The following NXN variants were observed in gnomAD, a reference collection of about 807,000 sequenced individuals.
The protein encoded by NXN is nucleoredoxin 1.
NXN carries 16 observed loss-of-function variants against 48.6 expected under a neutral mutation model. That is an observed-to-expected ratio of 0.33 (90% CI 0.22 to 0.50). The LOEUF (loss-of-function observed/expected upper bound fraction) is 0.50. Ranked by LOEUF, NXN falls within the 20% of genes least tolerant of loss-of-function variation. NXN has a pLI of 0.98. For missense variants in NXN, 492 were observed against 605.5 expected, an observed-to-expected ratio of 0.81 and a Z score of 1.97; for synonymous variants, 281 against 269.6, an observed-to-expected ratio of 1.04 and a Z score of -0.41.
intron 6 of NXN, among the ~76,000 whole-genome samples, chr17:804,274 C>CTTTTTTT (rs11325268): frequency 1.1e-5 from 1 of 88,932 alleles, no homozygotes; most frequent in Non-Finnish European, 2.1e-5. Context: ...TGGTCAGCGG[C>CTTTTTTT]TTTTTTTTTT....
chr17:940,360 C>A (rs776755832), intron 1 of NXN, among the ~76,000 whole-genome samples: 1 of 152,074 alleles, frequency 6.6e-6, no homozygotes. Flanking sequence ...TCCTTAAGCG[C>A]TGGGATTACA....
In NXN at chr17:958,956, T is replaced by TAC. The variant is rs147778678; in HGVS notation, c.360+20361_360+20362dup. 5,231 of 165,228 alleles carry TAC rather than the reference T, an allele frequency of 0.032. 302 individuals are homozygous for TAC. The highest frequency in any genetic ancestry group is 0.27 in the East Asian group (1,639 of 6,026). 10.2% of individuals were successfully genotyped at this position (165,228 alleles called of 1,614,324 possible). ...TAAAAAAGAAACACACACACACACA[T>TAC]ACACACACACACACACGATACGAGT... On this transcript the variant is annotated intron_variant, in intron 1 of 7. Coordinates refer to ENST00000336868, the MANE Select transcript of NXN (RefSeq NM_022463.5). The surrounding 1 kb of genome is among the most constrained non-coding windows in gnomAD (Gnocchi z 6.9).
intron 1 of NXN, among the ~76,000 whole-genome samples, chr17:965,703 T>C (rs1045090349): frequency 6.6e-6 from 1 of 152,062 alleles, no homozygotes. Context: ...CAACTGCTTG[T>C]ATAAACAACA....
chr17:954,595 AG>A (rs1370594103), intron 1 of NXN, among the ~76,000 whole-genome samples: 2 of 152,202 alleles, frequency 1.3e-5, no homozygotes, highest in African/African-American at 4.8e-5. Flanking sequence ...TCAGAGCAAC[AG>A]GGCTGATTCC....
rs1277969761 is a variant in NXN at position 952,181 on chromosome 17, G to T, written c.360+27138C>A. On this transcript the variant is annotated intron_variant, in intron 1 of 7. Coordinates refer to ENST00000336868, the MANE Select transcript of NXN (RefSeq NM_022463.5). ...AAAATTCAGGTCACACTGTGGGGGG[G>T]CTGGGGTCAGAGAGACCAAGGTTGG... Among the ~76,000 whole-genome samples the T allele has an allele frequency of 3.1e-5, 4 of 127,106 alleles. No homozygotes were observed. The East Asian group carries it at 8.6e-4, about 27-fold the overall frequency. 83.4% of individuals were successfully genotyped at this position (127,106 alleles called of 152,430 possible). A position where few individuals can be genotyped will look rare whatever the true frequency, so the allele number is the denominator to read the frequency against.
chr17:841,337 C>T (rs573681322), intron 1 of NXN, among the ~76,000 whole-genome samples: 6 of 152,338 alleles, frequency 3.9e-5, no homozygotes, highest in South Asian at 2.1e-4. Flanking sequence ...ATCCTGGTGC[C>T]GCCAACCCTG....
rs539296195 is a variant in NXN at position 932,936 on chromosome 17, C to A, written c.360+46383G>T. Among the ~76,000 whole-genome samples the A allele has an allele frequency of 1.9e-4, 27 of 140,546 alleles. No homozygotes were observed. The highest frequency in any genetic ancestry group is 2.6e-4 in the Non-Finnish European group (16 of 61,194). 92.2% of individuals were successfully genotyped at this position (140,546 alleles called of 152,430 possible). ...GTACTGGGATTCCAGGCGTGAGCCA[C>A]CGCGCCCAGCCCAGCCCGTCCTCTT... is the stretch of plus-strand genomic sequence containing the variant. On this transcript the variant is annotated intron_variant, in intron 1 of 7. Coordinates refer to ENST00000336868, the MANE Select transcript of NXN (RefSeq NM_022463.5). The surrounding 1 kb of genome is among the most constrained non-coding windows in gnomAD (Gnocchi z 4.1).
chr17:965,820 G>C (rs1012760125), intron 1 of NXN, among the ~76,000 whole-genome samples: 35 of 151,730 alleles, frequency 2.3e-4, no homozygotes, highest in African/African-American at 8.5e-4. Flanking sequence ...GCAGGAGAAT[G>C]GTGTGACTTC....
chr17:919,192 G>A lies in NXN; in HGVS notation c.360+60127C>T, dbSNP rs868811617. Among the ~76,000 whole-genome samples the A allele has an allele frequency of 9.9e-5, 15 of 151,968 alleles. No homozygotes were observed. The highest frequency in any genetic ancestry group is 2.0e-4 in the Admixed American group (3 of 15,246). On this transcript the variant is annotated intron_variant, in intron 1 of 7. Transcript: ENST00000336868. The surrounding 1 kb of genome is among the most constrained non-coding windows in gnomAD (Gnocchi z 5.1). ...ATCCTGGCTAACATGGTGAAAGCCCGTCTCTACTACAAATACAAAAATCAG... is the reference window on the plus strand; with the variant it reads ...ATCCTGGCTAACATGGTGAAAGCCCATCTCTACTACAAATACAAAAATCAG...
chr17:959,353 G>A (rs960372849), intron 1 of NXN: 16 of 234,632 alleles, frequency 6.8e-5, no homozygotes, highest in South Asian at 1.4e-4. Flanking sequence ...CTGGGAGTAC[G>A]TGGAGTCGCG....
chr17:809,649 G>A (rs1427230801), intron 5 of NXN, among the ~76,000 whole-genome samples: 1 of 152,232 alleles, frequency 6.6e-6, no homozygotes, highest in East Asian at 1.9e-4. Context: ...GGAAGGAAAA[G>A]CAGGTTCTAG....
chr17:861,424 G>A (rs367870091), intron 1 of NXN, among the ~76,000 whole-genome samples: 15 of 152,192 alleles, frequency 9.9e-5, no homozygotes, highest in African/African-American at 2.9e-4. Flanking sequence ...GTGAGCCGCC[G>A]CGCCTGACCA....
intron 1 of NXN, among the ~76,000 whole-genome samples, chr17:926,534 G>GTTT (rs60470915): frequency 7.1e-5 from 10 of 141,554 alleles, no homozygotes; most frequent in African/African-American, 2.7e-4. Flanking sequence ...CATGTTTTTT[G>GTTT]TTTTTTTTTT....
intron 1 of NXN, among the ~76,000 whole-genome samples, chr17:865,190 G>C (rs745704225): frequency 5.9e-5 from 9 of 152,152 alleles, no homozygotes; most frequent in Middle Eastern, 3.4e-3. Flanking sequence ...AGGTAGCAAT[G>C]TTTTCTGGGC....
intron 1 of NXN, among the ~76,000 whole-genome samples, chr17:972,238 G>A (rs1281655663): frequency 6.6e-6 from 1 of 152,012 alleles, no homozygotes. Flanking sequence ...GAAGGCAGAG[G>A]TCACGGTGAG....
At chr17:836,344 T>C (rs933692232) in intron 1 of NXN, among the ~76,000 whole-genome samples, 8 of 152,168 alleles carry the variant, frequency 5.3e-5, no homozygotes, top group Non-Finnish European at 1.2e-4. Flanking sequence ...GTAGGATTCA[T>C]CCGCAAACTC....
intron 1 of NXN, chr17:842,519 A>G (rs1002481156): frequency 1.0e-5 from 10 of 985,198 alleles, no homozygotes; most frequent in African/African-American, 1.7e-5. Flanking sequence ...CTCACATGCA[A>G]CCCACCTTCG....
At chr17:823,174 A>G (rs578022049) in intron 3 of NXN, among the ~76,000 whole-genome samples, 5 of 151,602 alleles carry the variant, frequency 3.3e-5, no homozygotes, top group Middle Eastern at 3.4e-3. Context: ...CGAGGCGGGC[A>G]GATCACCTGA....
chr17:904,250 G>T (rs529377735), intron 1 of NXN, among the ~76,000 whole-genome samples: 11 of 151,994 alleles, frequency 7.2e-5, no homozygotes, highest in Non-Finnish European at 1.6e-4. Flanking sequence ...GGTTGTAAGC[G>T]GGCCTTGCTG....
Sources: gnomAD v4.1 joint callset for allele counts (sites outside exome capture counted in the v4.1 genomes callset) on GRCh38, gnomAD v4.1.1 for gene constraint, Gnocchi (gnomAD v3.1) non-coding constraint, MANE v1.5 for transcripts, NCBI Gene and HGNC (gene_info 2026-07-23, HGNC 2026-07-21) for gene names.